The following ACOXL variants were observed in gnomAD, a reference collection of about 807,000 sequenced individuals.
ACOXL encodes the protein acyl-coenzyme A oxidase-like protein.
Under a neutral mutation model 71.9 loss-of-function variants are expected in ACOXL, and 70 were observed. That is an observed-to-expected ratio of 0.97 (90% CI 0.80 to 1.19). ACOXL has a LOEUF of 1.19. ACOXL is among the 50% of genes most tolerant of loss of function. ACOXL has a pLI of 0.00. For missense variants in ACOXL, 703 were observed against 736.3 expected, an observed-to-expected ratio of 0.95 and a Z score of 0.52; for synonymous variants, 253 against 281.6, an observed-to-expected ratio of 0.90 and a Z score of 1.02.
chr2:110,796,384 C>A (rs759913300), intron 5 of ACOXL, among the ~76,000 whole-genome samples: 2 of 152,190 alleles, frequency 1.3e-5, no homozygotes, highest in Admixed American at 1.3e-4. Flanking sequence ...ATTTTGCTGG[C>A]CTTCAAACAA....
intron 12 of ACOXL, chr2:110,963,565 ATG>A (rs57092184): frequency 0.055 from 75,239 of 1,356,474 alleles, 27 homozygotes; most frequent in Middle Eastern, 0.06. Flanking sequence ...CAAATTTGAA[ATG>A]TGTGTGTGTG....
intron 10 of ACOXL, among the ~76,000 whole-genome samples, chr2:110,870,109 C>T (rs1222975777): frequency 6.6e-6 from 1 of 152,130 alleles, no homozygotes; most frequent in Non-Finnish European, 1.5e-5. Context: ...TAGGGCTGTT[C>T]CCTTGGTTTT....
intron 2 of ACOXL, among the ~76,000 whole-genome samples, chr2:110,780,190 T>C (rs1279762310): frequency 2.0e-5 from 3 of 152,216 alleles, no homozygotes; most frequent in African/African-American, 7.2e-5. Flanking sequence ...AAATGGCCAT[T>C]AAGCATATGC....
intron 11 of ACOXL, among the ~76,000 whole-genome samples, chr2:110,931,304 A>G (rs750317898): frequency 3.3e-4 from 50 of 152,166 alleles, no homozygotes; most frequent in Admixed American, 1.1e-3. Context: ...TTTCTTAAAG[A>G]CTATTTATTT....
At chr2:111,002,409 G>A (rs1157454) in intron 14 of ACOXL, among the ~76,000 whole-genome samples, 54,928 of 152,058 alleles carry the variant, frequency 0.36, 10,588 homozygotes, top group African/African-American at 0.49. Context: ...AAGAGGAATT[G>A]CAATATTTTT....
chr2:111,055,291 G>T lies in ACOXL; in HGVS notation c.1440+6003G>T, dbSNP rs1307896302. Reference sequence around the variant, plus strand: ...GGGGACTGTCCCCACCTCACAGGCGGCTAGCAGCAGCAGTTTGAGCCTGTC... The same window carrying T: ...GGGGACTGTCCCCACCTCACAGGCGTCTAGCAGCAGCAGTTTGAGCCTGTC... On this transcript the variant is annotated intron_variant, in intron 16 of 17. Transcript: ENST00000439055. Among the ~76,000 whole-genome samples the T allele has an allele frequency of 2.6e-5, 4 of 152,246 alleles. No homozygotes were observed. The East Asian group carries it at 7.7e-4, about 29-fold the overall frequency.
intron 4 of ACOXL, 43 bp from the exon 5 acceptor site, chr2:110,794,033 T>C: frequency 6.3e-7 from 1 of 1,596,854 alleles, no homozygotes. Flanking sequence ...TTGGAGCAAC[T>C]GCCTGACCAG....
intron 1 of ACOXL, among the ~76,000 whole-genome samples, chr2:110,752,097 T>A (rs58130587): frequency 0.015 from 2,235 of 151,760 alleles, 63 homozygotes; most frequent in African/African-American, 0.048. Flanking sequence ...CGATCTTGGC[T>A]CACTTCAGCC....
intron 9 of ACOXL, among the ~76,000 whole-genome samples, chr2:110,833,943 T>TG (rs1278000452): frequency 2.6e-5 from 4 of 152,174 alleles, no homozygotes; most frequent in Non-Finnish European, 1.5e-5. Context: ...TGACAGGGCC[T>TG]GGGGGTGAGA....
In ACOXL at chr2:110,890,427, A is replaced by G. The variant is rs997024376; in HGVS notation, c.789-18362A>G. 2.0e-5 allele frequency among the ~76,000 whole-genome samples: 3 copies of G among 152,180 alleles called. No homozygotes were observed. The South Asian group carries it at 6.2e-4, about 32-fold the overall frequency. ...AGGATTTGCTGCTATGCTATCTTCT[A>G]AGAGTGTTATAGTTTTAACTCCTGC... On this transcript the variant is annotated intron_variant, in intron 10 of 17. Transcript: ENST00000439055.
At chr2:110,869,850 G>C (rs968197856) in intron 10 of ACOXL, among the ~76,000 whole-genome samples, 2 of 152,216 alleles carry the variant, frequency 1.3e-5, no homozygotes, top group Non-Finnish European at 2.9e-5. Flanking sequence ...GCCCCTTCCT[G>C]TGTGAACCTA....
intron 9 of ACOXL, among the ~76,000 whole-genome samples, chr2:110,829,727 A>G (rs542355953): frequency 5.3e-4 from 81 of 152,258 alleles, no homozygotes; most frequent in Non-Finnish European, 9.0e-4. Flanking sequence ...GTGTGTATGT[A>G]TCTGTTTTTG....
intron 1 of ACOXL, among the ~76,000 whole-genome samples, chr2:110,747,945 C>A (rs1445504448): frequency 1.3e-5 from 2 of 152,126 alleles, no homozygotes; most frequent in Non-Finnish European, 2.9e-5. Flanking sequence ...TTGGCATCTG[C>A]AGAGGAATAT....
intron 12 of ACOXL, chr2:110,963,761 G>A (rs2061809555): frequency 6.2e-7 from 1 of 1,606,876 alleles, no homozygotes; most frequent in Non-Finnish European, 8.5e-7. Flanking sequence ...CCAGAAGTCT[G>A]AAGTGTTTCA....
intron 15 of ACOXL, among the ~76,000 whole-genome samples, chr2:111,042,167 C>T (rs1442510180): frequency 6.6e-6 from 1 of 152,254 alleles, no homozygotes; most frequent in Non-Finnish European, 1.5e-5. Flanking sequence ...GTTCCCATCC[C>T]TGGGACTGGC....
At chr2:110,982,629 A>G (rs1339457197) in intron 12 of ACOXL, among the ~76,000 whole-genome samples, 1 of 152,238 alleles carries the variant, frequency 6.6e-6, no homozygotes, top group Non-Finnish European at 1.5e-5. Context: ...GTGACCCCTG[A>G]AATGCCCTTC....
Position 111,031,710 on chromosome 2 carries a change from C to G in ACOXL, c.1365C>G (p.His455Gln), listed in dbSNP as rs113914005. 1 of 1,614,158 alleles carries G rather than the reference C, an allele frequency of 6.2e-7. No individual in the cohort carries two copies. The highest frequency in any genetic ancestry group is 1.1e-5 in the South Asian group (1 of 91,086). Reference protein sequence around the residue: ...HVASLSLAHTHRVTLEQFSLA... With the variant: ...HVASLSLAHTQRVTLEQFSLA... ...CTTCTCTGTCCCTGGCACACACTCA[C>G]CGAGGTCAGTTGGCTCCTGTTGAAT... Residue 455 changes from histidine (H) to glutamine (Q), a missense_variant, in exon 15 of 18, where the codon CAC (histidine) becomes CAG (glutamine). By Grantham distance (24) the His-to-Gln change is conservative (BLOSUM62 0). Transcript: ENST00000439055.
chr2:110,768,513 T>TGTGTGTGTGTGTGTGAGA (rs397975396), intron 2 of ACOXL, 49 bp downstream of exon 2: 1 of 928,524 alleles, frequency 1.1e-6, no homozygotes. Flanking sequence ...TGTGTGTGTG[T>TGTGTGTGTGTGTGTGAGA]GAGAGAGAGA....
intron 12 of ACOXL, among the ~76,000 whole-genome samples, chr2:110,981,689 T>C (rs909439102): frequency 6.6e-6 from 1 of 152,216 alleles, no homozygotes; most frequent in Non-Finnish European, 1.5e-5. Context: ...TCCTGTTCCA[T>C]AAAGCTTTCC....
Sources: allele counts gnomAD v4.1 joint callset (sites outside exome capture counted in the v4.1 genomes callset), GRCh38; gene constraint gnomAD v4.1.1; transcripts MANE v1.5; gene names NCBI Gene and HGNC (gene_info 2026-07-23, HGNC 2026-07-21).